The following MYO1C variants were observed in gnomAD, a reference collection of about 807,000 sequenced individuals.
The protein encoded by MYO1C is unconventional myosin-Ic.
A neutral mutation model predicts 150.8 loss-of-function variants in MYO1C; 104 were observed. The observed-to-expected ratio is 0.69, with a 90% confidence interval of 0.59 to 0.81. The LOEUF is 0.81. Among genes scored for constraint, MYO1C ranks in the 30% least tolerant of loss-of-function variants. The pLI is 0.00. For missense variants in MYO1C, 1,504 were observed against 1,435.0 expected, an observed-to-expected ratio of 1.05 and a Z score of -0.78; for synonymous variants, 663 against 579.9, an observed-to-expected ratio of 1.14 and a Z score of -2.06.
At chr17:1,484,377 G>A in intron 1 of MYO1C, 74 bp from the exon 2 acceptor site, 1 of 1,561,362 alleles carries the variant, frequency 6.4e-7, no homozygotes, top group South Asian at 1.1e-5. Flanking sequence ...GCGCCTGTGG[G>A]ACTGAGAGGG....
chr17:1,477,465 A>G (rs778674425), intron 14 of MYO1C, 40 bp downstream of exon 14: 4 of 1,574,154 alleles, frequency 2.5e-6, no homozygotes, highest in Admixed American at 1.7e-5. Context: ...CTCTGCTGCA[A>G]GTGAGCCCTT....
In MYO1C at chr17:1,474,450, A is replaced by G. The variant is rs983999690; in HGVS notation, c.1797+160T>C. Among the ~76,000 whole-genome samples, 206 of 143,888 alleles carry G rather than the reference A, an allele frequency of 1.4e-3. 2 individuals are homozygous for G. The highest frequency in any genetic ancestry group is 5.2e-3 in the African/African-American group (196 of 37,684). 94.4% of individuals were successfully genotyped at this position (143,888 alleles called of 152,430 possible). On this transcript the variant is annotated intron_variant, in intron 17 of 31. Coordinates refer to ENST00000648651, the MANE Select transcript of MYO1C (RefSeq NM_001080779.2). ...CTCAAAAAAAAAAAAAAAAAAAAAA[A>G]GTAGGCAAAGAGGCACCTAAGGCAG...
At chr17:1,469,285 CTGGGGTAAATACGGTAGG>C (rs1365481006) in intron 25 of MYO1C, 45 of 544,792 alleles carry the variant, frequency 8.3e-5, no homozygotes, top group Admixed American at 4.0e-4. Flanking sequence ...ATAGAGTAGA[CTGGGGTAAATACGGTAGG>C]TGGGGTAAAT....
chr17:1,465,282 G>A lies in MYO1C; in HGVS notation c.*444C>T, dbSNP rs1327971394. 1 of 154,622 alleles carries A rather than the reference G, an allele frequency of 6.5e-6. No homozygotes were observed. Among genetic ancestry groups the A allele is most frequent in the Admixed American group, 6.5e-5 (1 of 15,326 alleles). 9.6% of individuals were successfully genotyped at this position (154,622 alleles called of 1,614,324 possible). ...CAGGAGGAGAGGTGTCCTGGCCAGGGAAGAGGGCACCAGAGCCCAGCCCAC... is the reference window on the plus strand; with the variant it reads ...CAGGAGGAGAGGTGTCCTGGCCAGGAAAGAGGGCACCAGAGCCCAGCCCAC... On this transcript the variant is annotated 3_prime_UTR_variant, in exon 32 of 32. Coordinates refer to ENST00000648651, the MANE Select transcript of MYO1C (RefSeq NM_001080779.2).
At chr17:1,491,576 C>T (rs2074735227) in intron 1 of MYO1C, 3 of 971,146 alleles carry the variant, frequency 3.1e-6, no homozygotes, top group Non-Finnish European at 3.7e-6. Context: ...CCGCGGCCGC[C>T]GTCCCCGCGC....
At chr17:1,477,180 CTTT>C (rs547771852) in intron 14 of MYO1C, 327 of 215,596 alleles carry the variant, frequency 1.5e-3, no homozygotes, top group South Asian at 2.3e-3. Context: ...ATTTTTTTCC[CTTT>C]TTTTTTTTTT....
intron 1 of MYO1C, chr17:1,485,378 C>G: frequency 1.8e-5 from 3 of 167,594 alleles, no homozygotes; most frequent in Non-Finnish European, 1.8e-5. Context: ...CTGCCCCTCC[C>G]AGGCTTGTCC....
At chr17:1,485,163 A>AGGGTGGT in intron 1 of MYO1C, 2 of 1,195,356 alleles carry the variant, frequency 1.7e-6, no homozygotes, top group Non-Finnish European at 2.1e-6. Context: ...TGGAGGGTGG[A>AGGGTGGT]GGGTGGTGCA....
At chr17:1,489,315 C>T (rs1401587513) in intron 1 of MYO1C, among the ~76,000 whole-genome samples, 2 of 152,210 alleles carry the variant, frequency 1.3e-5, no homozygotes, top group African/African-American at 4.8e-5. Context: ...AAGGACTGTC[C>T]ATTCTAGCTA....
chr17:1,484,992 A>T, intron 1 of MYO1C: 1 of 713,042 alleles, frequency 1.4e-6, no homozygotes, highest in Non-Finnish European at 2.2e-6. Context: ...GGGCTCAGCC[A>T]CCCACTCCAG....
chr17:1,474,742 G>A, intron 16 of MYO1C, 52 bp from the exon 17 acceptor site: 1 of 1,613,068 alleles, frequency 6.2e-7, no homozygotes, highest in Non-Finnish European at 8.5e-7. Context: ...GGCAGGACAG[G>A]CTCCTGGACA....
chr17:1,482,781 G>GA lies in MYO1C; in HGVS notation c.546+79_546+80insT. 2 of 214,108 alleles carry GA rather than the reference G, an allele frequency of 9.3e-6. 1 individual carries two copies. The allele number at this position is 214,108 out of a possible 1,614,324, so 13.3% of individuals were successfully genotyped here. Reference sequence around the variant, plus strand: ...CCTCCCACACTAGCCTTCTCTCCCTGCCCTCCCCTCCCACACTGGGCTTCT... The same window carrying GA: ...CCTCCCACACTAGCCTTCTCTCCCTGACCCTCCCCTCCCACACTGGGCTTCT... On this transcript the variant is annotated intron_variant, in intron 4 of 31. Transcript: ENST00000648651.
intron 1 of MYO1C, chr17:1,486,312 A>G (rs902299351): frequency 6.6e-6 from 1 of 152,306 alleles, no homozygotes; most frequent in Admixed American, 6.5e-5. Context: ...TTTCCTCGTC[A>G]GCACGGAGCT....
intron 13 of MYO1C, 81 bp downstream of exon 13, chr17:1,477,810 A>G: frequency 1.5e-6 from 2 of 1,377,122 alleles, no homozygotes; most frequent in Non-Finnish European, 2.1e-6. Flanking sequence ...CCCTCCGTGG[A>G]CCAGCCTGGA....
intron 1 of MYO1C, chr17:1,484,618 G>A: frequency 1.9e-6 from 1 of 532,572 alleles, no homozygotes; most frequent in Non-Finnish European, 3.4e-6. Flanking sequence ...CAGGACCAGA[G>A]GGCAGAACCC....
At chr17:1,472,340 T>A in intron 17 of MYO1C, 112 bp from the exon 18 acceptor site, 1 of 892,642 alleles carries the variant, frequency 1.1e-6, no homozygotes, top group South Asian at 1.5e-5. Context: ...CCTCTGATTC[T>A]GCCTGGTCCT....
In MYO1C at chr17:1,470,625, T is replaced by C. The variant is rs1294178180; in HGVS notation, c.2277A>G (p.Arg759=). The C allele has an allele frequency of 6.2e-7, 1 of 1,611,646 alleles. No individual in the cohort carries two copies. The highest frequency in any genetic ancestry group is 1.7e-5 in the Admixed American group (1 of 59,904). ...HWRQKFLRVK[R]SAICIQSWWR... is the part of the protein sequence containing the mutation. Reference sequence around the variant, plus strand: ...AACACCCATGGGCCCGCGAACCTGATCTCTTCACCCGGAGGAATTTCTGCC... The same window carrying C: ...AACACCCATGGGCCCGCGAACCTGACCTCTTCACCCGGAGGAATTTCTGCC... The change falls in exon 22 of 32, where the codon AGA becomes AGG. Residue 759 remains arginine (R), a synonymous_variant. Transcript: ENST00000648651.
chr17:1,469,763 G>C lies in MYO1C; in HGVS notation c.2527-149C>G, dbSNP rs113753746. Reference sequence around the variant, plus strand: ...CAAGAGACCTTACTCGGCAGGGCGCGGTGGCTCACGCCTGGAATCCCAGCA... The same window carrying C: ...CAAGAGACCTTACTCGGCAGGGCGCCGTGGCTCACGCCTGGAATCCCAGCA... On this transcript the variant is annotated intron_variant, in intron 24 of 31. Coordinates refer to ENST00000648651, the MANE Select transcript of MYO1C (RefSeq NM_001080779.2). 919 of 756,770 alleles carry C rather than the reference G, an allele frequency of 1.2e-3. 7 individuals carry two copies. In the African/African-American group the frequency reaches 0.014, roughly 12 times the overall value. The allele number at this position is 756,770 out of a possible 1,614,324, so 46.9% of individuals were successfully genotyped here.
At chr17:1,490,590 T>G (rs114017309) in intron 1 of MYO1C, among the ~76,000 whole-genome samples, 1 of 152,132 alleles carries the variant, frequency 6.6e-6, no homozygotes, top group Non-Finnish European at 1.5e-5. Flanking sequence ...ACTGGCCTCC[T>G]TGCCTTCCTC....
Sources: gnomAD v4.1 joint callset for allele counts (sites outside exome capture counted in the v4.1 genomes callset) on GRCh38, gnomAD v4.1.1 for gene constraint, MANE v1.5 for transcripts, NCBI Gene and HGNC (gene_info 2026-07-23, HGNC 2026-07-21) for gene names.